The following AHI1 variants were observed in gnomAD, a reference collection of about 807,000 sequenced individuals.
AHI1 encodes Abelson helper integration site 1.
AHI1 carries 123 observed loss-of-function variants against 149.3 expected under a neutral mutation model. The ratio of observed to expected loss-of-function variants is 0.82; its 90% CI spans 0.71 to 0.96. The LOEUF is 0.96. Ranked by LOEUF, AHI1 falls within the 40% of genes least tolerant of loss-of-function variation. The probability of loss-of-function intolerance (pLI) is 0.00; values close to 1 mark genes in which losing one functional copy is unlikely to be tolerated. For missense variants in AHI1, 1,439 were observed against 1,422.7 expected (o/e 1.01, Z -0.18); for synonymous variants, 475 against 459.8 (o/e 1.03, Z -0.42).
At chr6:135,399,415 C>A (rs1465735353) in intron 22 of AHI1, among the ~76,000 whole-genome samples, 2 of 152,138 alleles carry the variant, frequency 1.3e-5, no homozygotes, top group African/African-American at 4.8e-5. Context: ...CAAAGCTTGT[C>A]TCCATGATAA....
At chr6:135,290,206 C>A (rs1782164673) in intron 28 of AHI1, among the ~76,000 whole-genome samples, 3 of 152,094 alleles carry the variant, frequency 2.0e-5, no homozygotes, top group Admixed American at 2.0e-4. Flanking sequence ...GTCTTTTTCC[C>A]TTTGGGCTGG....
chr6:135,382,812 C>T (rs1453677291), intron 23 of AHI1, among the ~76,000 whole-genome samples: 1 of 143,862 alleles, frequency 7.0e-6, no homozygotes, highest in Non-Finnish European at 1.5e-5. Flanking sequence ...GATACAAGTG[C>T]TATTTCATTT....
At chr6:135,427,117 A>C in intron 20 of AHI1, 50 bp downstream of exon 20, 2 of 1,550,414 alleles carry the variant, frequency 1.3e-6, no homozygotes. Flanking sequence ...GTTTAGTCTA[A>C]ATGTAAAGGT....
intron 21 of AHI1, among the ~76,000 whole-genome samples, chr6:135,407,641 A>G (rs1780978279): frequency 6.6e-6 from 1 of 152,236 alleles, no homozygotes; most frequent in South Asian, 2.1e-4. Context: ...AAAGCTAAAT[A>G]AAGTAATAAT....
chr6:135,444,661 G>A (rs1325467030), intron 13 of AHI1, among the ~76,000 whole-genome samples: 1 of 152,080 alleles, frequency 6.6e-6, no homozygotes, highest in East Asian at 1.9e-4. Flanking sequence ...TACATTCTTG[G>A]AACATTTTTT....
At chr6:135,481,752 T>A (rs931886265) in intron 5 of AHI1, among the ~76,000 whole-genome samples, 2 of 149,608 alleles carry the variant, frequency 1.3e-5, no homozygotes, top group Non-Finnish European at 3.0e-5. Flanking sequence ...ACTGACAAAT[T>A]CTTTCAGCTT....
At chr6:135,426,946 C>T (rs1231960219) in intron 20 of AHI1, among the ~76,000 whole-genome samples, 1 of 151,554 alleles carries the variant, frequency 6.6e-6, no homozygotes, top group Non-Finnish European at 1.5e-5. Context: ...TTTTATTTAC[C>T]TTTTAAATTT....
intron 24 of AHI1, among the ~76,000 whole-genome samples, chr6:135,326,120 A>C (rs1787640799): frequency 6.6e-6 from 1 of 152,198 alleles, no homozygotes; most frequent in Non-Finnish European, 1.5e-5. Context: ...AGTATCTGTA[A>C]ACATGTTCTG....
At chr6:135,437,089 G>A (rs563225259) in intron 15 of AHI1, among the ~76,000 whole-genome samples, 10 of 152,280 alleles carry the variant, frequency 6.6e-5, no homozygotes, top group Non-Finnish European at 1.3e-4. Flanking sequence ...ACATATCTAT[G>A]GATATTAGGA....
Position 135,481,326 on chromosome 6 carries a change from C to T in AHI1, c.135+9297G>A, listed in dbSNP as rs540499628. Among the ~76,000 whole-genome samples, 3 of 152,250 alleles carry T rather than the reference C, an allele frequency of 2.0e-5. 1 individual carries two copies. The highest frequency in any genetic ancestry group is 2.0e-4 in the Admixed American group (3 of 15,290). On this transcript the variant is annotated intron_variant, in intron 5 of 28. Coordinates refer to ENST00000265602, the MANE Select transcript of AHI1 (RefSeq NM_001134831.2). ...ACAGTTGTTAAATCATTTACTTCTACAAATAAAGGTTGAATATCCCTTATA... is the reference window on the plus strand; with the variant it reads ...ACAGTTGTTAAATCATTTACTTCTATAAATAAAGGTTGAATATCCCTTATA...
chr6:135,361,657 A>T (rs1241167875), intron 23 of AHI1, among the ~76,000 whole-genome samples: 3 of 139,374 alleles, frequency 2.2e-5, no homozygotes, highest in African/African-American at 9.5e-5. Context: ...ACACACACAC[A>T]CACACACACA....
At chr6:135,360,659 A>C (rs1048066557) in intron 23 of AHI1, among the ~76,000 whole-genome samples, 11 of 152,240 alleles carry the variant, frequency 7.2e-5, no homozygotes, top group Non-Finnish European at 1.2e-4. Flanking sequence ...GAAATAAATA[A>C]AAATGCTATT....
intron 23 of AHI1, among the ~76,000 whole-genome samples, chr6:135,363,992 G>T (rs1794440095): frequency 7.0e-6 from 1 of 142,750 alleles, no homozygotes; most frequent in African/African-American, 2.6e-5. Flanking sequence ...GGGCAGAGGG[G>T]CTCCTCACTT....
At position 135,490,625 on chromosome 6, in the gene AHI1, A is replaced by T; in HGVS notation, c.133T>A (p.Ser45Thr). The change falls in exon 5 of 29, where the codon TCA (serine) becomes ACA (threonine). Residue 45 changes from serine (S) to threonine (T), a missense_variant and splice_region_variant. Ser to Thr is a moderately conservative substitution (Grantham distance 58). Coordinates refer to ENST00000265602, the MANE Select transcript of AHI1 (RefSeq NM_001134831.2). ...KKLVRSEENI[S>T]PDTIRSNLHY... Reference sequence around the variant, plus strand: ...TTACCCAATGATCATTTACTTACTGAGATGTTTTCTTCAGACCTGACAAGT... The same window carrying T: ...TTACCCAATGATCATTTACTTACTGTGATGTTTTCTTCAGACCTGACAAGT... 1 of 1,613,554 alleles carries T rather than the reference A, an allele frequency of 6.2e-7. No homozygotes were observed. Among genetic ancestry groups the T allele is most frequent in the South Asian group, 1.1e-5 (1 of 91,034 alleles).
intron 24 of AHI1, among the ~76,000 whole-genome samples, chr6:135,325,909 G>C (rs148521781): frequency 6.6e-6 from 1 of 152,150 alleles, no homozygotes; most frequent in Admixed American, 6.5e-5. Context: ...TGTGAACCTC[G>C]GAAAGTCTGA....
At chr6:135,336,253 T>A (rs757710179) in intron 24 of AHI1, among the ~76,000 whole-genome samples, 15 of 152,116 alleles carry the variant, frequency 9.9e-5, no homozygotes, top group Non-Finnish European at 2.2e-4. Flanking sequence ...ATTGCCTTCT[T>A]ACATTATAGC....
chr6:135,457,853 A>G, intron 8 of AHI1, 140 bp from the exon 9 acceptor site: 2 of 712,292 alleles, frequency 2.8e-6, no homozygotes, highest in Non-Finnish European at 4.7e-6. Context: ...AAAGCCAGAC[A>G]ACAGCAAACC....
intron 22 of AHI1, among the ~76,000 whole-genome samples, chr6:135,404,226 A>C (rs572925149): frequency 6.6e-6 from 1 of 152,286 alleles, no homozygotes; most frequent in South Asian, 2.1e-4. Context: ...TGCCATTCCA[A>C]CTCCTTATTT....
At chr6:135,309,389 G>C (rs375161085) in intron 26 of AHI1, among the ~76,000 whole-genome samples, 1 of 151,904 alleles carries the variant, frequency 6.6e-6, no homozygotes, top group Non-Finnish European at 1.5e-5. Flanking sequence ...CTCAAAATAG[G>C]TGTTATAAGT....
Sources: allele counts gnomAD v4.1 joint callset (sites outside exome capture counted in the v4.1 genomes callset), GRCh38; gene constraint gnomAD v4.1.1; transcripts MANE v1.5; gene names NCBI Gene and HGNC (gene_info 2026-07-23, HGNC 2026-07-21).